Variants in IL3RA observed in about 807,000 individuals in gnomAD.
IL3RA encodes interleukin 3 receptor subunit alpha.
In IL3RA, 73 loss-of-function variants were observed where a neutral mutation model predicts 52.3. The ratio of observed to expected loss-of-function variants is 1.40; its 90% confidence interval spans 1.16 to 1.70. IL3RA has a LOEUF of 1.70. Among genes scored for constraint, IL3RA ranks in the 40% most tolerant of loss-of-function variants. The pLI, the probability that IL3RA is intolerant of heterozygous loss-of-function variation, is 0.00. For synonymous variants in IL3RA, 260 were observed against 194.0 expected (o/e 1.34, Z -2.83); for missense variants, 664 against 504.4 (o/e 1.32, Z -3.03).
intron 3 of IL3RA, among the ~76,000 whole-genome samples, chrX:1,346,033 C>G (rs1188864073): frequency 6.6e-6 from 1 of 151,800 alleles, no homozygotes; most frequent in Non-Finnish European, 1.5e-5. Flanking sequence ...CCCAACCCCA[C>G]GCTGGGCGTG....
chrX:1,355,400 A>G (rs1247456586), intron 6 of IL3RA, among the ~76,000 whole-genome samples: 9 of 108,132 alleles, frequency 8.3e-5, no homozygotes, highest in African/African-American at 3.4e-4. Context: ...AGAGAGAGGA[A>G]GAGTAGGAGC....
intron 7 of IL3RA, among the ~76,000 whole-genome samples, chrX:1,357,416 A>C (rs2149039031): frequency 6.6e-6 from 1 of 151,994 alleles, no homozygotes; most frequent in African/African-American, 2.4e-5. Flanking sequence ...GCTGGGGTGC[A>C]GTGGCATGAT....
intron 5 of IL3RA, 23 bp from the exon 6 acceptor site, chrX:1,352,299 C>T (rs1406592558): frequency 6.2e-7 from 1 of 1,613,496 alleles, no homozygotes; most frequent in South Asian, 1.1e-5. Flanking sequence ...GGGGTCGTCC[C>T]CCAACCTTAC....
intron 4 of IL3RA, among the ~76,000 whole-genome samples, chrX:1,350,375 A>C (rs2086028717): frequency 6.6e-6 from 1 of 151,384 alleles, no homozygotes; most frequent in Non-Finnish European, 1.5e-5. Flanking sequence ...GGATCACCTG[A>C]GGTCAGGAAT....
intron 8 of IL3RA, among the ~76,000 whole-genome samples, chrX:1,364,570 G>C (rs139653866): frequency 0.017 from 2,588 of 151,316 alleles, 74 homozygotes; most frequent in African/African-American, 0.059. Context: ...TCCTAAGCTC[G>C]AGGTATCCCC....
At chrX:1,340,775 A>G (rs748571193) in intron 1 of IL3RA, among the ~76,000 whole-genome samples, 7 of 152,254 alleles carry the variant, frequency 4.6e-5, no homozygotes, top group Non-Finnish European at 8.8e-5. Context: ...CACCTGAGGC[A>G]GGAGTCCGAG....
At chrX:1,347,778 CCT>C (rs1424897832) in intron 3 of IL3RA, among the ~76,000 whole-genome samples, 1 of 151,946 alleles carries the variant, frequency 6.6e-6, no homozygotes, top group African/African-American at 2.4e-5. Context: ...GTGGCTCACG[CCT>C]GTCATCCCAG....
At chrX:1,352,285 G>C (rs1173226823) in intron 5 of IL3RA, 37 bp from the exon 6 acceptor site, 2 of 1,613,038 alleles carry the variant, frequency 1.2e-6, no homozygotes, top group Non-Finnish European at 1.7e-6. Flanking sequence ...GGTGCCATCG[G>C]CGTGGGGTCG....
chrX:1,381,255 G>A (rs180815286), intron 11 of IL3RA, 151 bp downstream of exon 11: 730 of 729,026 alleles, frequency 1.0e-3, no homozygotes, highest in Non-Finnish European at 1.4e-3. Context: ...AAAATTAGCC[G>A]GGTGTGGTGG....
intron 2 of IL3RA, 130 bp downstream of exon 2, chrX:1,341,959 C>T (rs776811604): frequency 2.7e-5 from 26 of 955,568 alleles, no homozygotes; most frequent in African/African-American, 1.4e-4. Flanking sequence ...ATGCAGTGGT[C>T]GGGAATGACT....
chrX:1,352,209 C>G lies in IL3RA; in HGVS notation c.408C>G (p.Tyr136Ter), dbSNP rs148752792. The change falls in exon 5 of 12, where the codon TAC becomes TAG. Residue 136 changes from tyrosine (Y) to a stop codon, truncating the protein, a stop_gained. Transcript: ENST00000331035. LOFTEE classifies it high-confidence loss of function. ...VGPGAPADVQ[Y>*]DLYLNVANRR... The stretch of plus-strand genomic sequence containing the variant: ...CGGGGGCCCCCGCGGACGTCCAGTA[C>G]GACCTGTACTTGAACGTTGCCAAGT... The G allele has an allele frequency of 1.2e-6, 2 of 1,613,504 alleles. No individual in the cohort carries two copies. The highest frequency in any genetic ancestry group is 1.7e-6 in the Non-Finnish European group (2 of 1,179,754).
intron 1 of IL3RA, among the ~76,000 whole-genome samples, chrX:1,337,348 G>C (rs1209633588): frequency 6.6e-6 from 1 of 152,162 alleles, no homozygotes; most frequent in Non-Finnish European, 1.5e-5. Flanking sequence ...CTGACTGCCA[G>C]CCGGGGAGCC....
intron 2 of IL3RA, 112 bp downstream of exon 2, chrX:1,341,941 A>G: frequency 9.2e-7 from 1 of 1,090,942 alleles, no homozygotes; most frequent in Non-Finnish European, 1.4e-6. Flanking sequence ...AGCTCATGGC[A>G]GAGTCTCATG....
intron 8 of IL3RA, among the ~76,000 whole-genome samples, chrX:1,362,562 T>G (rs2087532563): frequency 6.6e-6 from 1 of 151,984 alleles, no homozygotes; most frequent in South Asian, 2.1e-4. Context: ...CCTCTCTGTG[T>G]CTCTTTGTAT....
At chrX:1,344,933 C>T (rs371997573) in intron 2 of IL3RA, among the ~76,000 whole-genome samples, 15 of 150,104 alleles carry the variant, frequency 1.0e-4, no homozygotes, top group East Asian at 8.0e-4. Flanking sequence ...GAGGCTGAGG[C>T]GGACGAATCA....
chrX:1,341,527 T>C (rs1297244443), intron 1 of IL3RA, among the ~76,000 whole-genome samples: 1 of 117,442 alleles, frequency 8.5e-6, no homozygotes, highest in African/African-American at 3.0e-5. Context: ...CGTGCACACA[T>C]GTAGAAGCAC....
At chrX:1,361,879 G>C (rs1408947725) in intron 8 of IL3RA, among the ~76,000 whole-genome samples, 4 of 151,430 alleles carry the variant, frequency 2.6e-5, no homozygotes, top group African/African-American at 9.7e-5. Context: ...CCATGATTCA[G>C]TTATGTCCTA....
intron 3 of IL3RA, among the ~76,000 whole-genome samples, chrX:1,347,760 C>T (rs1287936271): frequency 3.0e-4 from 45 of 151,840 alleles, no homozygotes; most frequent in African/African-American, 8.0e-4. Context: ...AAATTGTGGC[C>T]GGGCGCGGTG....
chrX:1,339,128 CCG>C (rs200694645), intron 1 of IL3RA, among the ~76,000 whole-genome samples: 1,653 of 152,182 alleles, frequency 0.011, 37 homozygotes, highest in African/African-American at 0.038. Context: ...GCGTGAGCCA[CCG>C]CGCCTGGCCA....
Sources: gnomAD v4.1 joint callset for allele counts (sites outside exome capture counted in the v4.1 genomes callset) on GRCh38, gnomAD v4.1.1 for gene constraint, MANE v1.5 for transcripts, NCBI Gene and HGNC (gene_info 2026-07-23, HGNC 2026-07-21) for gene names.